Variants in GCNT4 observed in about 807,000 individuals in gnomAD.
The protein encoded by GCNT4 is glucosaminyl (N-acetyl) transferase 4.
A neutral mutation model predicts 31.3 loss-of-function variants in GCNT4; 17 were observed. The ratio of observed to expected loss-of-function variants is 0.54; its 90% CI spans 0.37 to 0.81. The LOEUF is 0.81. GCNT4 is among the 40% of genes least tolerant of loss of function. The pLI is 0.00. For missense variants in GCNT4, 503 were observed against 525.5 expected (o/e 0.96, Z 0.42); for synonymous variants, 158 against 190.6 (o/e 0.83, Z 1.41).
upstream of GCNT4, among the ~76,000 whole-genome samples, chr5:75,053,508 G>A (rs1227791892): frequency 6.6e-6 from 1 of 152,096 alleles, no homozygotes; most frequent in African/African-American, 2.4e-5. Flanking sequence ...TGGCCAAGTC[G>A]ACTTACGAGA....
In GCNT4 at chr5:75,033,750, T is replaced by C. The variant is rs557175413; in HGVS notation, c.-1-3712A>G. 6.2e-4 allele frequency among the ~76,000 whole-genome samples: 94 copies of C among 152,072 alleles called. 2 individuals carry two copies. In the South Asian group the frequency reaches 0.019, roughly 31 times the overall value. ...TTCTTACATAGGTATACACGTGCCA[T>C]GGTGGTTTGCTGCACCTATCAACCC... On this transcript the variant is annotated intron_variant, in intron 3 of 3. Transcript: ENST00000652361.
At chr5:75,021,835 G>A (rs955947688), downstream of GCNT4, among the ~76,000 whole-genome samples, 3 of 152,050 alleles carry the variant, frequency 2.0e-5, no homozygotes, top group East Asian at 1.9e-4. Context: ...TACCTAGTCC[G>A]ATCATTGAGA....
downstream of GCNT4, among the ~76,000 whole-genome samples, chr5:75,023,028 G>A (rs1272364886): frequency 1.3e-5 from 2 of 152,154 alleles, no homozygotes; most frequent in African/African-American, 4.8e-5. Context: ...AGGGAAGCTG[G>A]GAATTAACAG....
In GCNT4 at chr5:75,032,922, T is replaced by TGA. The variant is rs1554062298; in HGVS notation, c.-1-2886_-1-2885dup. Among the ~76,000 whole-genome samples, 485 of 145,888 alleles carry TGA rather than the reference T, an allele frequency of 3.3e-3. 2 individuals are homozygous for TGA. Among genetic ancestry groups the TGA allele is most frequent in the Middle Eastern group, 0.011 (3 of 278 alleles). ...GTGTGTGTGTGTGTGTGTGTGTGTG[T>TGA]GATTAATTCATGGTTATTAGGTATA... On this transcript the variant is annotated intron_variant, in intron 3 of 3. Transcript: ENST00000652361.
chr5:75,030,243 T>A (rs1402793395), intron 3 of GCNT4: 2 of 535,608 alleles, frequency 3.7e-6, no homozygotes, highest in Admixed American at 7.4e-5. Context: ...CTGTGTTAAC[T>A]ATACCTAATT....
intron 3 of GCNT4, among the ~76,000 whole-genome samples, chr5:75,031,589 G>A (rs1276318518): frequency 6.6e-6 from 1 of 152,208 alleles, no homozygotes; most frequent in Non-Finnish European, 1.5e-5. Context: ...AAAGGATATT[G>A]TATACACACA....
Position 75,028,011 on chromosome 5 carries a change from C to T in GCNT4, c.*665G>A, listed in dbSNP as rs1276092769. ...GGTACTACCTGTCCCAACCCACATCCTCACCCCCTTCCTTAACTTTCATAC... is the reference window on the plus strand; with the variant it reads ...GGTACTACCTGTCCCAACCCACATCTTCACCCCCTTCCTTAACTTTCATAC... On this transcript the variant is annotated 3_prime_UTR_variant, in exon 4 of 4. Transcript: ENST00000652361. The T allele has an allele frequency of 2.6e-5, 4 of 152,068 alleles. No individual in the cohort carries two copies. Among genetic ancestry groups the T allele is most frequent in the Non-Finnish European group, 2.9e-5 (2 of 68,056 alleles). 9.4% of individuals were successfully genotyped at this position (152,068 alleles called of 1,614,324 possible).
In GCNT4 at chr5:75,029,293, C is replaced by T. The variant is rs752953004; in HGVS notation, c.745G>A (p.Ala249Thr). 1.2e-6 allele frequency: 2 copies of T among 1,614,000 alleles called. No homozygotes were observed. The highest frequency in any genetic ancestry group is 2.2e-5 in the East Asian group (1 of 44,892). The change falls in exon 4 of 4, where the codon GCA (alanine) becomes ACA (threonine). Residue 249 changes from alanine to threonine, a missense_variant. By Grantham distance (58) the Ala-to-Thr change is moderately conservative. Coordinates refer to ENST00000652361, the MANE Select transcript of GCNT4 (RefSeq NM_001366737.1). ...GGTTTCACCGTCTCCAACATATTTG[C>T]TCCATTGAGTTTTTTCAACTCTGAC... ...LVSELKKLNG[A>T]NMLETVKPPN...
chr5:75,040,686 G>A (rs1743297633), intron 3 of GCNT4, among the ~76,000 whole-genome samples: 1 of 152,212 alleles, frequency 6.6e-6, no homozygotes, highest in Admixed American at 6.5e-5. Context: ...CAGGTATGAG[G>A]ACCTCCACAA....
intron 3 of GCNT4, among the ~76,000 whole-genome samples, chr5:75,034,944 A>AGGT (rs1743162415): frequency 6.6e-6 from 1 of 150,552 alleles, no homozygotes; most frequent in African/African-American, 2.4e-5. Context: ...CACCCCAGCT[A>AGGT]AGCGGACACG....
intron 3 of GCNT4, among the ~76,000 whole-genome samples, chr5:75,032,870 G>GGGAT (rs1561374154): frequency 1.2e-5 from 1 of 82,032 alleles, no homozygotes; most frequent in African/African-American, 3.8e-5. Flanking sequence ...ATCCCAAATA[G>GGGAT]GGGTGTGTGT....
At chr5:75,043,906 A>G (rs1743378558) in intron 3 of GCNT4, among the ~76,000 whole-genome samples, 2 of 152,236 alleles carry the variant, frequency 1.3e-5, no homozygotes, top group Non-Finnish European at 2.9e-5. Flanking sequence ...GTCTTAAATG[A>G]TGCTGAACTT....
chr5:75,037,169 C>T (rs529819981), intron 3 of GCNT4, among the ~76,000 whole-genome samples: 2 of 152,158 alleles, frequency 1.3e-5, no homozygotes, highest in African/African-American at 2.4e-5. Context: ...AGCTAACATC[C>T]TGCTACTGCA....
At chr5:75,046,593 G>A (rs1386946788) in intron 3 of GCNT4, among the ~76,000 whole-genome samples, 1 of 152,170 alleles carries the variant, frequency 6.6e-6, no homozygotes, top group East Asian at 1.9e-4. Context: ...CAGACAGGCT[G>A]ACTGGACAAG....
At chr5:75,048,405 T>G (rs1386103858) in intron 2 of GCNT4, among the ~76,000 whole-genome samples, 2 of 152,142 alleles carry the variant, frequency 1.3e-5, no homozygotes, top group African/African-American at 4.8e-5. Flanking sequence ...TTGAGAACCC[T>G]GGTTCATGGA....
At chr5:75,042,627 G>A (rs931904744) in intron 3 of GCNT4, among the ~76,000 whole-genome samples, 4 of 152,196 alleles carry the variant, frequency 2.6e-5, no homozygotes, top group African/African-American at 9.7e-5. Flanking sequence ...CACTCTTCAT[G>A]AATGGATTAG....
intron 3 of GCNT4, among the ~76,000 whole-genome samples, chr5:75,045,546 TTTGC>T (rs1194838396): frequency 2.0e-5 from 3 of 152,254 alleles, no homozygotes; most frequent in African/African-American, 7.2e-5. Context: ...AGATATTTGC[TTTGC>T]TTCCACCCTT....
chr5:75,032,872 G>GGTGGGTGTGTGTGTGTGTGTGTGT (rs55942109), intron 3 of GCNT4, among the ~76,000 whole-genome samples: 3 of 130,646 alleles, frequency 2.3e-5, no homozygotes, highest in Non-Finnish European at 5.1e-5. Flanking sequence ...CCCAAATAGG[G>GGTGGGTGTGTGTGTGTGTGTGTGT]GTGTGTGTGT....
chr5:75,049,657 A>G (rs139927769), intron 2 of GCNT4, among the ~76,000 whole-genome samples: 1 of 152,340 alleles, frequency 6.6e-6, no homozygotes, highest in East Asian at 1.9e-4. Flanking sequence ...GTAAGCCTCA[A>G]TGTTGATGTT....
Sources: allele counts gnomAD v4.1 joint callset (sites outside exome capture counted in the v4.1 genomes callset), GRCh38; gene constraint gnomAD v4.1.1; transcripts MANE v1.5; gene names NCBI Gene and HGNC (gene_info 2026-07-23, HGNC 2026-07-21).